The following DNAAF9 variants were observed in gnomAD, a reference collection of about 807,000 sequenced individuals.
DNAAF9 encodes shulin.
A neutral mutation model predicts 167.0 loss-of-function variants in DNAAF9; 90 were observed. The observed-to-expected ratio is 0.54, with a 90% CI of 0.45 to 0.64. The LOEUF (loss-of-function observed/expected upper bound fraction) is 0.64. Among genes scored for constraint, DNAAF9 ranks in the 30% least tolerant of loss-of-function variants. The pLI is 0.00. For synonymous variants in DNAAF9, 491 were observed against 508.8 expected, an observed-to-expected ratio of 0.96 and a Z score of 0.47; for missense variants, 1,315 against 1,442.2, an observed-to-expected ratio of 0.91 and a Z score of 1.43.
At chr20:3,369,785 C>T (rs890146705) in intron 6 of DNAAF9, among the ~76,000 whole-genome samples, 1 of 152,154 alleles carries the variant, frequency 6.6e-6, no homozygotes, top group African/African-American at 2.4e-5. Flanking sequence ...TTACCTTCCA[C>T]CCCTCTATTG....
At chr20:3,342,283 C>A (rs2070102007) in intron 9 of DNAAF9, among the ~76,000 whole-genome samples, 1 of 152,158 alleles carries the variant, frequency 6.6e-6, no homozygotes, top group South Asian at 2.1e-4. Flanking sequence ...TTATTCAGCT[C>A]TCTCCTGCAG....
intron 7 of DNAAF9, 119 bp downstream of exon 7, chr20:3,359,397 C>CT (rs2083330649): frequency 1.4e-6 from 1 of 718,962 alleles, no homozygotes; most frequent in Admixed American, 3.0e-5. Flanking sequence ...AGAAACTGCT[C>CT]TATTTTTTGA....
At chr20:3,353,328 T>C (rs2070362744) in intron 7 of DNAAF9, among the ~76,000 whole-genome samples, 2 of 151,968 alleles carry the variant, frequency 1.3e-5, no homozygotes, top group African/African-American at 2.4e-5. Flanking sequence ...TTTACCAGAA[T>C]GCTTCACTTT....
At position 3,381,403 on chromosome 20, in the gene DNAAF9, C is replaced by G; in HGVS notation, c.259G>C (p.Gly87Arg). 6.2e-7 allele frequency: 1 copy of G among 1,611,220 alleles called. No individual in the cohort carries two copies. The highest frequency in any genetic ancestry group is 1.1e-5 in the South Asian group (1 of 90,982). ...NQNTSDFEKT[G>R]FSEEVLDDVI... ...CCATCTAGTACTTCTTCAGAAAATC[C>G]CGTTTTCTCAAAATCACTGGTATTC... Residue 87 changes from glycine (G) to arginine (R), a missense_variant, in exon 3 of 37, where the codon GGA becomes CGA. Transcript: ENST00000252032.
Position 3,340,599 on chromosome 20 carries a change from T to C in DNAAF9, c.886A>G (p.Thr296Ala), listed in dbSNP as rs759759715. ...TTGCCAGCATTCAGGTTTTCTCGTG[T>C]GGAGTGATTACCAAAGAGAACAAAT... ...QPFVLFGNHSTRENLNAGNFN... is the reference protein window; with the variant it reads ...QPFVLFGNHSARENLNAGNFN... The change falls in exon 10 of 37, where the codon ACA (threonine) becomes GCA (alanine). Residue 296 changes from threonine (T) to alanine (A), a missense_variant. Physicochemically the swap from Thr to Ala is moderately conservative, Grantham distance 58 (BLOSUM62 0). Around this residue, in one of 2 missense-constraint regions of DNAAF9, gnomAD observed 981 missense variants for 1,012.5 expected, o/e 0.97. Coordinates refer to ENST00000252032, the MANE Select transcript of DNAAF9 (RefSeq NM_001009984.3). 1.1e-5 allele frequency: 18 copies of C among 1,613,612 alleles called. No homozygotes were observed. The highest frequency in any genetic ancestry group is 2.7e-5 in the African/African-American group (2 of 74,890).
intron 29 of DNAAF9, among the ~76,000 whole-genome samples, chr20:3,275,634 A>G (rs900162456): frequency 6.6e-6 from 1 of 152,222 alleles, no homozygotes; most frequent in East Asian, 1.9e-4. Context: ...CCACCTGCCA[A>G]GAGGAAATGC....
intron 10 of DNAAF9, among the ~76,000 whole-genome samples, chr20:3,338,323 A>G (rs2070006324): frequency 6.6e-6 from 1 of 152,146 alleles, no homozygotes; most frequent in African/African-American, 2.4e-5. Flanking sequence ...GGTTTCTGAT[A>G]AGAAGTCCCC....
intron 1 of DNAAF9, among the ~76,000 whole-genome samples, chr20:3,400,152 T>C (rs1443829987): frequency 6.6e-6 from 1 of 152,244 alleles, no homozygotes; most frequent in Non-Finnish European, 1.5e-5. Context: ...ACAGAATCTG[T>C]TCTTTGTAAA....
chr20:3,309,622 C>T (rs762921153), intron 20 of DNAAF9, among the ~76,000 whole-genome samples: 3 of 152,170 alleles, frequency 2.0e-5, no homozygotes, highest in Non-Finnish European at 4.4e-5. Flanking sequence ...TGGCTACCTA[C>T]ATTTAAAAAA....
chr20:3,381,516 C>T lies in DNAAF9; in HGVS notation c.164-18G>A, dbSNP rs144430823. ...ATCGATTCCTGCAAGGCAAAGGAGG[C>T]TCTGATCAGCTGTACCATACTACAG... On this transcript the variant is annotated intron_variant, in intron 2 of 36. Coordinates refer to ENST00000252032, the MANE Select transcript of DNAAF9 (RefSeq NM_001009984.3). 1.0e-4 allele frequency: 165 copies of T among 1,611,598 alleles called. No homozygotes were observed. In the African/African-American group the frequency reaches 2.1e-3, roughly 21 times the overall value.
chr20:3,354,898 C>T (rs1012607633), intron 7 of DNAAF9, among the ~76,000 whole-genome samples: 2 of 152,214 alleles, frequency 1.3e-5, no homozygotes, highest in Non-Finnish European at 1.5e-5. Flanking sequence ...GCATGTTCTA[C>T]AGCCCATGGT....
At chr20:3,386,104 T>C (rs1016174108) in intron 1 of DNAAF9, among the ~76,000 whole-genome samples, 1 of 152,168 alleles carries the variant, frequency 6.6e-6, no homozygotes, top group African/African-American at 2.4e-5. Context: ...CTGGGCAATA[T>C]AGTGAGACCT....
chr20:3,292,602 C>T (rs565901432), intron 25 of DNAAF9, among the ~76,000 whole-genome samples: 15 of 151,490 alleles, frequency 9.9e-5, no homozygotes, highest in African/African-American at 3.4e-4. Context: ...TCTGCCTTTA[C>T]TAAAAATACA....
chr20:3,336,627 GC>G (rs2065658071), intron 10 of DNAAF9, among the ~76,000 whole-genome samples: 1 of 152,008 alleles, frequency 6.6e-6, no homozygotes, highest in Non-Finnish European at 1.5e-5. Context: ...TTGGCTCACT[GC>G]AGCCTCTGCC....
intron 12 of DNAAF9, among the ~76,000 whole-genome samples, chr20:3,327,746 C>A (rs575120877): frequency 8.5e-5 from 13 of 152,304 alleles, no homozygotes; most frequent in African/African-American, 3.1e-4. Context: ...CTCAGATCTG[C>A]TCTCAGCCTG....
At chr20:3,316,547 G>A (rs2069503327) in intron 18 of DNAAF9, among the ~76,000 whole-genome samples, 176 bp downstream of exon 18, 2 of 152,068 alleles carry the variant, frequency 1.3e-5, no homozygotes, top group Admixed American at 1.3e-4. Context: ...GAGAGTTAAC[G>A]GAACTATGTT....
chr20:3,260,746 C>T (rs1568562522), intron 31 of DNAAF9, among the ~76,000 whole-genome samples: 1 of 152,058 alleles, frequency 6.6e-6, no homozygotes, highest in Non-Finnish European at 1.5e-5. Context: ...TCTCCTGCCT[C>T]AGCCTCCTGA....
At chr20:3,395,760 T>C (rs112804865) in intron 1 of DNAAF9, among the ~76,000 whole-genome samples, 1 of 152,226 alleles carries the variant, frequency 6.6e-6, no homozygotes, top group African/African-American at 2.4e-5. Context: ...TCAAGTTTTA[T>C]ATTTTTATTT....
intron 16 of DNAAF9, among the ~76,000 whole-genome samples, chr20:3,319,101 A>AG (rs1568601724): frequency 1.4e-5 from 2 of 138,508 alleles, no homozygotes; most frequent in Admixed American, 7.2e-5. Flanking sequence ...AAAAAAAAAA[A>AG]AAAGAAAAAA....
Sources: allele counts gnomAD v4.1 joint callset (sites outside exome capture counted in the v4.1 genomes callset), GRCh38; gene constraint gnomAD v4.1.1; regional missense constraint gnomAD v4.1.1; transcripts MANE v1.5; gene names NCBI Gene and HGNC (gene_info 2026-07-23, HGNC 2026-07-21).